Variants in RNF150 observed in about 807,000 individuals in gnomAD.
RNF150 encodes ring finger protein 150.
RNF150 carries 24 observed loss-of-function variants against 39.3 expected under a neutral mutation model. The observed-to-expected ratio is 0.61, with a 90% CI of 0.44 to 0.86. The LOEUF is 0.86. Ranked by LOEUF, RNF150 falls within the 40% of genes least tolerant of loss-of-function variation. RNF150 has a pLI of 0.00. For synonymous variants in RNF150, 255 were observed against 227.3 expected (o/e 1.12, Z -1.10); for missense variants, 502 against 587.8 (o/e 0.85, Z 1.51).
chr4:141,104,920 A>G (rs1307450468), intron 1 of RNF150, among the ~76,000 whole-genome samples: 3 of 152,172 alleles, frequency 2.0e-5, no homozygotes, highest in Admixed American at 2.0e-4. Flanking sequence ...TTGTGCACAC[A>G]CACATCCCTA....
At chr4:141,180,796 A>G (rs1727897239) in intron 1 of RNF150, among the ~76,000 whole-genome samples, 1 of 151,954 alleles carries the variant, frequency 6.6e-6, no homozygotes. Context: ...TTTTCTCCCC[A>G]TTGCCCCACT....
In RNF150 at chr4:140,921,932, A is replaced by T. The variant is rs1352627989; in HGVS notation, c.987+4045T>A. On this transcript the variant is annotated intron_variant, in intron 5 of 6. Coordinates refer to ENST00000515673, the MANE Select transcript of RNF150 (RefSeq NM_020724.2). The stretch of plus-strand genomic sequence containing the variant: ...AAAATTCAACAACGCTTCATGCTAA[A>T]AACTCTCAATAAATTAGGTATTGAT... Among the ~76,000 whole-genome samples, 284 of 151,880 alleles carry T rather than the reference A, an allele frequency of 1.9e-3. 1 individual carries two copies. Among genetic ancestry groups the T allele is most frequent in the African/African-American group, 6.2e-3 (258 of 41,466 alleles).
chr4:141,120,164 C>A (rs558916750), intron 1 of RNF150, among the ~76,000 whole-genome samples: 2 of 151,974 alleles, frequency 1.3e-5, no homozygotes, highest in African/African-American at 4.8e-5. Context: ...GGGAGACAGA[C>A]AATAATGGAA....
Position 140,940,669 on chromosome 4 carries a change from C to T in RNF150, c.890+6985G>A, listed in dbSNP as rs114663650. Reference sequence around the variant, plus strand: ...GGCAACAAGGGCAACCTCTAGTTGACGGTTTATAAATGATGCCATGGCAAT... The same window carrying T: ...GGCAACAAGGGCAACCTCTAGTTGATGGTTTATAAATGATGCCATGGCAAT... On this transcript the variant is annotated intron_variant, in intron 4 of 6. Coordinates refer to ENST00000515673, the MANE Select transcript of RNF150 (RefSeq NM_020724.2). Among the ~76,000 whole-genome samples the T allele has an allele frequency of 2.6e-3, 403 of 152,242 alleles. 2 individuals are homozygous for T. The highest frequency in any genetic ancestry group is 9.3e-3 in the African/African-American group (386 of 41,546).
chr4:140,867,778 A>G lies in RNF150; in HGVS notation c.*483T>C, dbSNP rs1279389855. ...AGATGGAATACAAACTGATCATAGC[A>G]GGAACTGGTGCTTCTAAACAGAAAC... is the stretch of plus-strand genomic sequence containing the variant. On this transcript the variant is annotated 3_prime_UTR_variant, in exon 7 of 7. Transcript: ENST00000515673. 1.3e-5 allele frequency: 2 copies of G among 154,012 alleles called. No homozygotes were observed. Among genetic ancestry groups the G allele is most frequent in the African/African-American group, 2.4e-5 (1 of 41,486 alleles). The allele number at this position is 154,012 out of a possible 1,614,324, so 9.5% of individuals were successfully genotyped here.
At chr4:140,915,090 C>T (rs937737346) in intron 5 of RNF150, among the ~76,000 whole-genome samples, 14 of 152,166 alleles carry the variant, frequency 9.2e-5, no homozygotes, top group Non-Finnish European at 1.5e-4. Context: ...GATTGTGTAA[C>T]TGCCAGCCTT....
intron 1 of RNF150, among the ~76,000 whole-genome samples, chr4:141,157,636 T>C (rs888580399): frequency 6.6e-6 from 1 of 151,412 alleles, no homozygotes; most frequent in Non-Finnish European, 1.5e-5. Flanking sequence ...TGATCTCCTC[T>C]GTTGCTCATT....
In RNF150 at chr4:140,920,276, G is replaced by T. The variant is rs556664100; in HGVS notation, c.987+5701C>A. 7.6e-3 allele frequency among the ~76,000 whole-genome samples: 1,106 copies of T among 145,576 alleles called. 16 individuals carry two copies. The highest frequency in any genetic ancestry group is 0.026 in the African/African-American group (1,041 of 39,310). ...ACCTACAAAATGGGAGAAAATTTTC[G>T]CAACCTACTCATCTGACAAAGGGCT... On this transcript the variant is annotated intron_variant, in intron 5 of 6. Transcript: ENST00000515673.
chr4:140,977,862 A>T (rs1375323169), intron 1 of RNF150, among the ~76,000 whole-genome samples: 1 of 152,146 alleles, frequency 6.6e-6, no homozygotes, highest in Non-Finnish European at 1.5e-5. Flanking sequence ...GACCATGAAT[A>T]AGCAGTCATT....
chr4:141,022,671 G>A (rs543490478), intron 1 of RNF150, among the ~76,000 whole-genome samples: 24 of 152,162 alleles, frequency 1.6e-4, no homozygotes, highest in South Asian at 2.1e-4. Context: ...ATGAATGGAA[G>A]CTCATTTAGG....
rs141676117 is a variant in RNF150, at chr4:140,892,257, A to G, written c.1198+18887T>C. 1.4e-4 allele frequency among the ~76,000 whole-genome samples: 22 copies of G among 152,324 alleles called. No individual in the cohort carries two copies. The East Asian group carries it at 4.2e-3, about 29-fold the overall frequency. ...ACTAATAGTGTAATGAATCTGTTGA[A>G]GTTGTTGAACCCCCTCATTTACTTA... On this transcript the variant is annotated intron_variant, in intron 6 of 6. Coordinates refer to ENST00000515673, the MANE Select transcript of RNF150 (RefSeq NM_020724.2).
chr4:141,065,131 C>G (rs1358961261), intron 1 of RNF150, among the ~76,000 whole-genome samples: 1 of 152,184 alleles, frequency 6.6e-6, no homozygotes. Context: ...TCCCAAAGTG[C>G]TGGGATTACA....
intron 1 of RNF150, among the ~76,000 whole-genome samples, chr4:141,205,225 C>A (rs986529408): frequency 1.3e-5 from 2 of 152,028 alleles, no homozygotes; most frequent in African/African-American, 4.8e-5. Flanking sequence ...CATTGTTATA[C>A]CCTAAGCATC....
intron 1 of RNF150, among the ~76,000 whole-genome samples, chr4:141,087,820 T>C (rs1460954763): frequency 6.6e-6 from 1 of 152,206 alleles, no homozygotes; most frequent in Non-Finnish European, 1.5e-5. Context: ...TTTGTAACAC[T>C]GTTTCATGGA....
intron 5 of RNF150, among the ~76,000 whole-genome samples, chr4:140,923,426 A>G (rs1169610477): frequency 1.3e-5 from 2 of 152,226 alleles, no homozygotes; most frequent in Non-Finnish European, 2.9e-5. Context: ...ATGAGATACC[A>G]TCTCACACCA....
intron 6 of RNF150, among the ~76,000 whole-genome samples, chr4:140,910,468 T>G (rs976892185): frequency 3.9e-5 from 6 of 152,176 alleles, no homozygotes; most frequent in African/African-American, 7.2e-5. Flanking sequence ...AATATTTTTA[T>G]GAAAACTACC....
Position 141,132,982 on chromosome 4 carries a change from C to G in RNF150, c.-174G>C, listed in dbSNP as rs920933141. On this transcript the variant is annotated 5_prime_UTR_variant, in exon 1 of 7. Coordinates refer to ENST00000515673, the MANE Select transcript of RNF150 (RefSeq NM_020724.2). This position sits in a 1 kb window ranked among gnomAD's most constrained non-coding sequence, Gnocchi z 4.9. ...CCGCGGGGACCGGATTCCGGGCGAGCGGATGGCGCTGGCCCCTTCCCCTCT... is the reference window on the plus strand; with the variant it reads ...CCGCGGGGACCGGATTCCGGGCGAGGGGATGGCGCTGGCCCCTTCCCCTCT... 9 of 564,768 alleles carry G rather than the reference C, an allele frequency of 1.6e-5. No homozygotes were observed. Among genetic ancestry groups the G allele is most frequent in the African/African-American group, 4.1e-5 (2 of 49,118 alleles). 35.0% of individuals were successfully genotyped at this position (564,768 alleles called of 1,614,324 possible).
At chr4:141,011,792 C>T (rs1366453379) in intron 1 of RNF150, among the ~76,000 whole-genome samples, 2 of 152,188 alleles carry the variant, frequency 1.3e-5, no homozygotes, top group Non-Finnish European at 2.9e-5. Flanking sequence ...GATTAATAGT[C>T]ACAAATTAGA....
At chr4:140,935,572 C>G (rs1260386822) in intron 4 of RNF150, among the ~76,000 whole-genome samples, 1 of 152,190 alleles carries the variant, frequency 6.6e-6, no homozygotes, top group South Asian at 2.1e-4. Flanking sequence ...ACTGCCATCT[C>G]TTTCATGTTC....
Sources: gnomAD v4.1 joint callset for allele counts (sites outside exome capture counted in the v4.1 genomes callset) on GRCh38, gnomAD v4.1.1 for gene constraint, Gnocchi (gnomAD v3.1) non-coding constraint, MANE v1.5 for transcripts, NCBI Gene and HGNC (gene_info 2026-07-23, HGNC 2026-07-21) for gene names.